Variants in SERPINE3 observed in about 807,000 individuals in gnomAD.
The protein encoded by SERPINE3 is serpin family E member 3.
SERPINE3 carries 43 observed loss-of-function variants against 41.7 expected under a neutral mutation model. The observed-to-expected ratio is 1.03, with a 90% CI of 0.81 to 1.33. The LOEUF (loss-of-function observed/expected upper bound fraction) is 1.33, where lower values mean the gene tolerates loss of function less well. Among genes scored for constraint, SERPINE3 ranks in the 40% most tolerant of loss-of-function variants. The probability of loss-of-function intolerance (pLI) is 0.00; values close to 1 mark genes in which losing one functional copy is unlikely to be tolerated. For synonymous variants in SERPINE3, 200 were observed against 192.2 expected, an observed-to-expected ratio of 1.04 and a Z score of -0.34; for missense variants, 440 against 491.7, an observed-to-expected ratio of 0.89 and a Z score of 0.99.
At chr13:51,361,735 C>A in intron 8 of SERPINE3, 75 bp from the exon 9 acceptor site, 2 of 1,313,294 alleles carry the variant, frequency 1.5e-6, no homozygotes, top group Non-Finnish European at 2.1e-6. Context: ...AAAAAATTAA[C>A]TTACTTCATA....
intron 6 of SERPINE3, among the ~76,000 whole-genome samples, chr13:51,351,030 T>C (rs1204511050): frequency 1.3e-5 from 2 of 152,216 alleles, no homozygotes; most frequent in African/African-American, 4.8e-5. Context: ...GTACATTTTG[T>C]TTACCTATTC....
At chr13:51,340,901 G>C in intron 2 of SERPINE3, 40 bp downstream of exon 2, 1 of 616,858 alleles carries the variant, frequency 1.6e-6, no homozygotes, top group Non-Finnish European at 2.8e-6. Flanking sequence ...GTGCAGCTCT[G>C]CAGCCCAGAC....
intron 7 of SERPINE3, among the ~76,000 whole-genome samples, chr13:51,356,319 A>C (rs1593645915): frequency 6.6e-6 from 1 of 152,124 alleles, no homozygotes; most frequent in African/African-American, 2.4e-5. Context: ...ATAATCTGAC[A>C]TTTCAAGCAA....
chr13:51,348,029 T>C (rs540388349), intron 5 of SERPINE3, among the ~76,000 whole-genome samples, 184 bp from the exon 6 acceptor site: 19 of 152,186 alleles, frequency 1.2e-4, no homozygotes, highest in Non-Finnish European at 2.4e-4. Flanking sequence ...ACTCTAGGTC[T>C]AGGATTTTTA....
At chr13:51,358,291 T>C (rs1018450971) in intron 7 of SERPINE3, among the ~76,000 whole-genome samples, 2 of 152,100 alleles carry the variant, frequency 1.3e-5, no homozygotes, top group African/African-American at 4.8e-5. Context: ...CAAATAATTG[T>C]AAAGACAAAA....
At chr13:51,350,159 G>T (rs2137789601) in intron 6 of SERPINE3, among the ~76,000 whole-genome samples, 1 of 152,200 alleles carries the variant, frequency 6.6e-6, no homozygotes. Flanking sequence ...GCACACTGTG[G>T]GTAGCAATGC....
At chr13:51,358,341 C>T (rs1461134080) in intron 7 of SERPINE3, among the ~76,000 whole-genome samples, 2 of 152,054 alleles carry the variant, frequency 1.3e-5, no homozygotes, top group African/African-American at 2.4e-5. Flanking sequence ...TTATGAGAAG[C>T]TGAGGATGAA....
In SERPINE3 at chr13:51,364,337, T is replaced by G; in HGVS notation, c.*55T>G. ...TTCTTCATAAAGTTATAATTTCATT[T>G]TGCTATACCCTTGAAATTTAAAAAA... is the stretch of plus-strand genomic sequence containing the variant. On this transcript the variant is annotated 3_prime_UTR_variant, in exon 10 of 10. Transcript: ENST00000681248. 9.8e-7 allele frequency: 1 copy of G among 1,024,756 alleles called. No individual in the cohort carries two copies. The highest frequency in any genetic ancestry group is 2.7e-5 in the East Asian group (1 of 37,214). 63.5% of individuals were successfully genotyped at this position (1,024,756 alleles called of 1,614,324 possible). A position where few individuals can be genotyped will look rare whatever the true frequency, so the allele number is the denominator to read the frequency against.
chr13:51,363,610 C>A (rs1955627225), intron 9 of SERPINE3: 1 of 151,890 alleles, frequency 6.6e-6, no homozygotes, highest in East Asian at 1.9e-4. Flanking sequence ...ATGATGTTTC[C>A]CCTAGATGTA....
At chr13:51,341,806 C>A (rs1171067611) in intron 3 of SERPINE3, among the ~76,000 whole-genome samples, 5 of 152,222 alleles carry the variant, frequency 3.3e-5, no homozygotes, top group Non-Finnish European at 5.9e-5. Context: ...CAGAGATGAG[C>A]AAATAGGCAT....
In SERPINE3 at chr13:51,344,541, G is replaced by T; in HGVS notation, c.490+56G>T. Reference sequence around the variant, plus strand: ...TAAGGCAGAGGGCTGCAGAGACAGAGTCTCACCCATCACTTGTCAGAGGCC... The same window carrying T: ...TAAGGCAGAGGGCTGCAGAGACAGATTCTCACCCATCACTTGTCAGAGGCC... On this transcript the variant is annotated intron_variant, in intron 4 of 9. Transcript: ENST00000681248. 4 of 1,385,432 alleles carry T rather than the reference G, an allele frequency of 2.9e-6. No homozygotes were observed. The South Asian group carries it at 5.0e-5, about 17-fold the overall frequency. The allele number at this position is 1,385,432 out of a possible 1,614,324, so 85.8% of individuals were successfully genotyped here.
chr13:51,364,580 G>A lies in SERPINE3; in HGVS notation c.*298G>A, dbSNP rs769928750. The A allele has an allele frequency of 2.5e-4, 67 of 265,186 alleles. No homozygotes were observed. The highest frequency in any genetic ancestry group is 3.7e-4 in the Non-Finnish European group (52 of 142,204). 16.4% of individuals were successfully genotyped at this position (265,186 alleles called of 1,614,324 possible). On this transcript the variant is annotated 3_prime_UTR_variant, in exon 10 of 10. Transcript: ENST00000681248. Reference sequence around the variant, plus strand: ...GGCCATAAGATTGCTTCCTCAGTACGGATACTCTAGGCCATGTTGAATTGA... The same window carrying A: ...GGCCATAAGATTGCTTCCTCAGTACAGATACTCTAGGCCATGTTGAATTGA...
At chr13:51,349,162 A>G (rs566464483) in intron 6 of SERPINE3, among the ~76,000 whole-genome samples, 1 of 152,162 alleles carries the variant, frequency 6.6e-6, no homozygotes, top group South Asian at 2.1e-4. Context: ...TTAAGCAAGG[A>G]ATGTTGTCCA....
chr13:51,347,982 G>GAA (rs1172136647), intron 5 of SERPINE3, among the ~76,000 whole-genome samples: 3 of 152,040 alleles, frequency 2.0e-5, no homozygotes, highest in Non-Finnish European at 4.4e-5. Flanking sequence ...CAGTCCTAGA[G>GAA]AACCTCTAAC....
At chr13:51,363,505 TAA>T (rs926667730) in intron 9 of SERPINE3, 1 of 150,382 alleles carries the variant, frequency 6.6e-6, no homozygotes, top group Non-Finnish European at 1.5e-5. Flanking sequence ...TGGGAGACAT[TAA>T]AAAAAAAGAT....
chr13:51,339,938 G>A (rs1484356185), intron 1 of SERPINE3, among the ~76,000 whole-genome samples, 195 bp downstream of exon 1: 1 of 152,152 alleles, frequency 6.6e-6, no homozygotes, highest in East Asian at 1.9e-4. Flanking sequence ...GAAAGAAAGA[G>A]AGAGAGAGAG....
At chr13:51,352,337 T>G (rs1955412568) in intron 6 of SERPINE3, among the ~76,000 whole-genome samples, 1 of 152,148 alleles carries the variant, frequency 6.6e-6, no homozygotes, top group Non-Finnish European at 1.5e-5. Context: ...TTCATTAAAT[T>G]TATTCTAAGT....
At chr13:51,346,070 GAAT>G (rs1229893032) in intron 4 of SERPINE3, among the ~76,000 whole-genome samples, 7 of 152,206 alleles carry the variant, frequency 4.6e-5, no homozygotes, top group African/African-American at 7.2e-5. Flanking sequence ...GTGAAATAGG[GAAT>G]AATAATAGAA....
chr13:51,343,310 C>T (rs1167795259), intron 3 of SERPINE3, among the ~76,000 whole-genome samples: 1 of 152,210 alleles, frequency 6.6e-6, no homozygotes. Flanking sequence ...GGCTTCACTT[C>T]TGGAAACACT....
Sources: gnomAD v4.1 joint callset for allele counts (sites outside exome capture counted in the v4.1 genomes callset) on GRCh38, gnomAD v4.1.1 for gene constraint, MANE v1.5 for transcripts, NCBI Gene and HGNC (gene_info 2026-07-23, HGNC 2026-07-21) for gene names.